PRKN: variants seen among roughly 807,000 people sequenced by gnomAD.
The protein encoded by PRKN is E3 ubiquitin-protein ligase parkin.
In PRKN, 56 loss-of-function variants were observed where a neutral mutation model predicts 59.5. The ratio of observed to expected loss-of-function variants is 0.94; its 90% confidence interval spans 0.76 to 1.18. The LOEUF (loss-of-function observed/expected upper bound fraction) is 1.18, where lower values mean the gene tolerates loss of function less well. Ranked by LOEUF, PRKN falls within the 50% of genes most tolerant of loss-of-function variation. PRKN has a pLI of 0.00. For missense variants in PRKN, 657 were observed against 596.4 expected (o/e 1.10, Z -1.06); for synonymous variants, 250 against 222.1 (o/e 1.13, Z -1.12).
intron 2 of PRKN, among the ~76,000 whole-genome samples, chr6:162,314,760 C>T (rs1407608219): frequency 1.3e-5 from 2 of 152,144 alleles, no homozygotes; most frequent in Non-Finnish European, 2.9e-5. Context: ...GAGCTTTGCA[C>T]TATTCCAGAC....
At chr6:162,283,137 G>A (rs1029994099) in intron 2 of PRKN, among the ~76,000 whole-genome samples, 4 of 151,686 alleles carry the variant, frequency 2.6e-5, no homozygotes, top group Non-Finnish European at 5.9e-5. Context: ...ACTTCTTTCT[G>A]ACCTATGTTT....
chr6:162,156,831 G>A (rs1782535410), intron 4 of PRKN, among the ~76,000 whole-genome samples: 2 of 152,078 alleles, frequency 1.3e-5, no homozygotes, highest in Non-Finnish European at 2.9e-5. Flanking sequence ...TTGCACACAG[G>A]TGGAACAGAG....
intron 1 of PRKN, among the ~76,000 whole-genome samples, chr6:162,586,742 C>A (rs563723037): frequency 6.6e-6 from 1 of 150,784 alleles, no homozygotes; most frequent in South Asian, 2.1e-4. Flanking sequence ...AAAAGAAGTT[C>A]TGTAAACATG....
intron 6 of PRKN, among the ~76,000 whole-genome samples, chr6:161,891,754 T>C (rs1477897107): frequency 6.6e-6 from 1 of 152,200 alleles, no homozygotes; most frequent in Non-Finnish European, 1.5e-5. Flanking sequence ...AGGTAAAAGA[T>C]GTAGAGTGTC....
rs561826555 is a variant in PRKN at position 161,630,652 on chromosome 6, C to T, written c.872-61236G>A. On this transcript the variant is annotated intron_variant, in intron 7 of 11. Coordinates refer to ENST00000366898, the MANE Select transcript of PRKN (RefSeq NM_004562.3). ...CAAATTCATCATCTTTAAGTTATGGCGCTCTCTGGATACCCTCTCCGCAGG... is the reference window on the plus strand; with the variant it reads ...CAAATTCATCATCTTTAAGTTATGGTGCTCTCTGGATACCCTCTCCGCAGG... Among the ~76,000 whole-genome samples the T allele has an allele frequency of 1.4e-4, 22 of 152,194 alleles. No homozygotes were observed. In the South Asian group the frequency reaches 4.6e-3, roughly 32 times the overall value.
intron 9 of PRKN, among the ~76,000 whole-genome samples, chr6:161,532,724 G>T (rs1286080783): frequency 1.3e-5 from 2 of 152,178 alleles, no homozygotes; most frequent in African/African-American, 4.8e-5. Context: ...GTCATGGTCA[G>T]AAGGTCTTTC....
intron 7 of PRKN, among the ~76,000 whole-genome samples, chr6:161,688,337 G>C (rs573864660): frequency 1.3e-5 from 2 of 152,330 alleles, no homozygotes; most frequent in African/African-American, 2.4e-5. Context: ...CCTGTGGATA[G>C]CATGCAACAG....
intron 9 of PRKN, among the ~76,000 whole-genome samples, chr6:161,500,125 C>T (rs1649007966): frequency 6.6e-6 from 1 of 152,062 alleles, no homozygotes. Context: ...TGTGTCAAAA[C>T]TTTTAGAATT....
At chr6:162,175,511 G>A (rs909458000) in intron 4 of PRKN, among the ~76,000 whole-genome samples, 3 of 152,084 alleles carry the variant, frequency 2.0e-5, no homozygotes, top group East Asian at 1.9e-4. Context: ...CAAATCAAAC[G>A]AAAGAAACTT....
intron 2 of PRKN, among the ~76,000 whole-genome samples, chr6:162,334,886 G>A (rs1783762506): frequency 6.6e-6 from 1 of 152,190 alleles, no homozygotes; most frequent in Admixed American, 6.5e-5. Flanking sequence ...TTACTCCTCA[G>A]TGGAGGAAGT....
chr6:162,047,044 T>C (rs932164028), intron 5 of PRKN, among the ~76,000 whole-genome samples: 8 of 152,200 alleles, frequency 5.3e-5, no homozygotes, highest in African/African-American at 1.4e-4. Flanking sequence ...CCAAATTGCA[T>C]GTCAGACAAC....
chr6:162,313,537 G>A (rs1326250022), intron 2 of PRKN, among the ~76,000 whole-genome samples: 1 of 151,854 alleles, frequency 6.6e-6, no homozygotes, highest in African/African-American at 2.4e-5. Flanking sequence ...CCCCAGGCTG[G>A]AATCCAATGG....
rs13218649 is a variant in PRKN at position 161,448,280 on chromosome 6, C to T, written c.1084-61403G>A. Among the ~76,000 whole-genome samples, 53,123 of 151,758 alleles carry T rather than the reference C, an allele frequency of 0.35. 9,536 individuals carry two copies. The highest frequency in any genetic ancestry group is 0.41 in the Middle Eastern group (119 of 292). On this transcript the variant is annotated intron_variant, in intron 9 of 11. Coordinates refer to ENST00000366898, the MANE Select transcript of PRKN (RefSeq NM_004562.3). This position sits in a 1 kb window ranked among gnomAD's most constrained non-coding sequence, Gnocchi z 5.1. ...TCTGCGTATCTCTGAATGGCCACTC[C>T]CATGCAGCCCTTGAATGAATTACTT...
chr6:161,830,277 A>G (rs1487456618), intron 6 of PRKN, among the ~76,000 whole-genome samples: 4 of 145,740 alleles, frequency 2.7e-5, no homozygotes, highest in Non-Finnish European at 3.0e-5. Flanking sequence ...TTTGAGATGG[A>G]GTCTCGCTCT....
intron 1 of PRKN, among the ~76,000 whole-genome samples, chr6:162,485,883 G>T (rs944602137): frequency 6.6e-6 from 1 of 152,138 alleles, no homozygotes. Context: ...AGGAGCTAAA[G>T]GCTTGTTAGA....
chr6:162,205,646 C>A (rs1398778442), intron 3 of PRKN, among the ~76,000 whole-genome samples: 1 of 152,014 alleles, frequency 6.6e-6, no homozygotes, highest in African/African-American at 2.4e-5. Flanking sequence ...ATCACATGAG[C>A]TATTAAAATA....
chr6:162,305,011 A>G (rs1027731369), intron 2 of PRKN, among the ~76,000 whole-genome samples: 1 of 152,144 alleles, frequency 6.6e-6, no homozygotes, highest in Non-Finnish European at 1.5e-5. Context: ...ACATTGTGAG[A>G]CCTCAGATAT....
At chr6:161,431,507 A>G (rs909476817) in intron 9 of PRKN, among the ~76,000 whole-genome samples, 3 of 152,152 alleles carry the variant, frequency 2.0e-5, no homozygotes, top group Admixed American at 2.0e-4. Flanking sequence ...TTTATATTAT[A>G]AAGTGTTTAA....
In PRKN at chr6:161,468,344, C is replaced by G. The variant is rs1164760972; in HGVS notation, c.1083+80510G>C. Among the ~76,000 whole-genome samples, 1 of 151,940 alleles carries G rather than the reference C, an allele frequency of 6.6e-6. No homozygotes were observed. The highest frequency in any genetic ancestry group is 1.9e-4 in the East Asian group (1 of 5,184). On this transcript the variant is annotated intron_variant, in intron 9 of 11. Transcript: ENST00000366898. The surrounding 1 kb of genome is among the most constrained non-coding windows in gnomAD (Gnocchi z 5.9). ...CTAATCTTCAATCTGAAATAGTGTA[C>G]TACGCCAGGTGTAGACAGGAAGAGA...
Sources: gnomAD v4.1 joint callset for allele counts (sites outside exome capture counted in the v4.1 genomes callset) on GRCh38, gnomAD v4.1.1 for gene constraint, Gnocchi (gnomAD v3.1) non-coding constraint, MANE v1.5 for transcripts, NCBI Gene and HGNC (gene_info 2026-07-23, HGNC 2026-07-21) for gene names.